Variants in HECTD4 observed in about 807,000 individuals in gnomAD.
HECTD4 encodes HECT domain E3 ubiquitin protein ligase 4.
HECTD4 carries 114 observed loss-of-function variants against 471.5 expected under a neutral mutation model. The ratio of observed to expected loss-of-function variants is 0.24; its 90% CI spans 0.21 to 0.28. The LOEUF (loss-of-function observed/expected upper bound fraction) is 0.28, where lower values mean the gene tolerates loss of function less well. HECTD4 is among the 10% of genes least tolerant of loss of function. The pLI, the probability that HECTD4 is intolerant of heterozygous loss-of-function variation, is 1.00. For missense variants in HECTD4, 3,866 were observed against 5,651.5 expected (o/e 0.68, Z 10.13); for synonymous variants, 2,012 against 2,256.0 (o/e 0.89, Z 3.07).
intron 54 of HECTD4, 161 bp downstream of exon 54, chr12:112,203,475 G>T (rs2032489336): frequency 1.7e-6 from 1 of 574,754 alleles, no homozygotes; most frequent in Non-Finnish European, 3.0e-6. Context: ...GGAAAGCTCA[G>T]GCAAGTCAAT....
chr12:112,195,772 C>A (rs1468152298), intron 55 of HECTD4, among the ~76,000 whole-genome samples: 1 of 152,212 alleles, frequency 6.6e-6, no homozygotes, highest in Non-Finnish European at 1.5e-5. Context: ...TATCTCAATA[C>A]AGCTATTATA....
At chr12:112,196,123 G>C (rs1593918242) in intron 55 of HECTD4, among the ~76,000 whole-genome samples, 1 of 152,346 alleles carries the variant, frequency 6.6e-6, no homozygotes, top group Non-Finnish European at 1.5e-5. Flanking sequence ...CTGGGTGACA[G>C]AGCAAGACTC....
chr12:112,293,739 CCT>C (rs1211685350), intron 7 of HECTD4, among the ~76,000 whole-genome samples: 3 of 152,140 alleles, frequency 2.0e-5, no homozygotes, highest in African/African-American at 7.2e-5. Flanking sequence ...ACCTCACTTG[CCT>C]CTGAGGAGGG....
chr12:112,348,854 A>C (rs1254272697), intron 1 of HECTD4, among the ~76,000 whole-genome samples: 1 of 152,174 alleles, frequency 6.6e-6, no homozygotes, highest in Non-Finnish European at 1.5e-5. Flanking sequence ...ATATATACTA[A>C]GCATTTATAT....
intron 72 of HECTD4, among the ~76,000 whole-genome samples, chr12:112,165,222 CTT>C (rs1193174494): frequency 2.2e-5 from 3 of 138,336 alleles, no homozygotes; most frequent in African/African-American, 2.6e-5. Context: ...TGTCCTCTTT[CTT>C]TTTTTTTTTT....
At position 112,162,154 on chromosome 12, in the gene HECTD4, A is replaced by G; in HGVS notation, c.*233T>C. 1 of 511,368 alleles carries G rather than the reference A, an allele frequency of 2.0e-6. No individual in the cohort carries two copies. The highest frequency in any genetic ancestry group is 3.5e-6 in the Non-Finnish European group (1 of 286,384). The allele number at this position is 511,368 out of a possible 1,614,324, so 31.7% of individuals were successfully genotyped here. A position where few individuals can be genotyped will look rare whatever the true frequency, so the allele number is the denominator to read the frequency against. ...TAGACACAAACTGTCTGGGAACTAAACTATCCTACAAATAGACCACAAACA... is the reference window on the plus strand; with the variant it reads ...TAGACACAAACTGTCTGGGAACTAAGCTATCCTACAAATAGACCACAAACA... On this transcript the variant is annotated 3_prime_UTR_variant, in exon 76 of 76. Coordinates refer to ENST00000682272, the MANE Select transcript of HECTD4 (RefSeq NM_001388303.1). The surrounding 1 kb of genome is among the most constrained non-coding windows in gnomAD (Gnocchi z 5.2).
intron 61 of HECTD4, 40 bp from the exon 62 acceptor site, chr12:112,183,306 G>T: frequency 1.3e-6 from 2 of 1,500,642 alleles, no homozygotes; most frequent in South Asian, 1.1e-5. Flanking sequence ...TGAGTAGCTT[G>T]ACCAGTCATT....
At chr12:112,291,899 G>A (rs535102506) in intron 7 of HECTD4, among the ~76,000 whole-genome samples, 14 of 152,220 alleles carry the variant, frequency 9.2e-5, no homozygotes, top group Non-Finnish European at 1.5e-4. Context: ...ACTTTTTACA[G>A]TTGGCAATTG....
At position 112,243,865 on chromosome 12, in the gene HECTD4, GC is replaced by G. The variant is rs1279235594; in HGVS notation, c.4649+8del. On this transcript the variant is annotated splice_region_variant and intron_variant, in intron 30 of 75. Transcript: ENST00000682272. This position sits in a 1 kb window ranked among gnomAD's most constrained non-coding sequence, Gnocchi z 6.6. Reference sequence around the variant, plus strand: ...TGTGGGAACCCAACCCCGGCCATTAGCCATTTACCTCTGATTTGCTCTAGTA... The same window carrying G: ...TGTGGGAACCCAACCCCGGCCATTAGCATTTACCTCTGATTTGCTCTAGTA... The G allele has an allele frequency of 3.1e-6, 5 of 1,613,166 alleles. No individual in the cohort carries two copies. The highest frequency in any genetic ancestry group is 4.2e-6 in the Non-Finnish European group (5 of 1,179,286).
rs1183399867 is a variant in HECTD4, at chr12:112,179,998, C to T, written c.10988-601G>A. Reference sequence around the variant, plus strand: ...GAAAAAATATTTTTTTGTCCCCAAACAAGCACTCCAGAAGGTGCTCTCACC... The same window carrying T: ...GAAAAAATATTTTTTTGTCCCCAAATAAGCACTCCAGAAGGTGCTCTCACC... On this transcript the variant is annotated intron_variant, in intron 62 of 75. Coordinates refer to ENST00000682272, the MANE Select transcript of HECTD4 (RefSeq NM_001388303.1). This position sits in a 1 kb window ranked among gnomAD's most constrained non-coding sequence, Gnocchi z 4.3. 6.6e-6 allele frequency among the ~76,000 whole-genome samples: 1 copy of T among 152,170 alleles called. No homozygotes were observed. The highest frequency in any genetic ancestry group is 1.5e-5 in the Non-Finnish European group (1 of 68,006).
chr12:112,254,875 T>C (rs752592892), intron 21 of HECTD4, among the ~76,000 whole-genome samples: 9 of 152,200 alleles, frequency 5.9e-5, no homozygotes, highest in African/African-American at 9.7e-5. Flanking sequence ...AAGACTTCCA[T>C]AGGAAAAATA....
intron 64 of HECTD4, 119 bp from the exon 65 acceptor site, chr12:112,176,821 A>C (rs991719638): frequency 1.2e-4 from 95 of 807,992 alleles, no homozygotes; most frequent in Middle Eastern, 6.8e-4. Context: ...CTTAGGGCTC[A>C]GATAGGGCGG....
intron 1 of HECTD4, among the ~76,000 whole-genome samples, chr12:112,365,762 T>G (rs539692439): frequency 6.2e-5 from 8 of 128,816 alleles, no homozygotes; most frequent in South Asian, 4.9e-4. Context: ...CTTCTTTGTG[T>G]TTTTTTTTTG....
At position 112,319,004 on chromosome 12, in the gene HECTD4, G is replaced by A. The variant is rs2135699501; in HGVS notation, c.695+221C>T. On this transcript the variant is annotated intron_variant, in intron 2 of 75. Transcript: ENST00000682272. The surrounding 1 kb of genome is among the most constrained non-coding windows in gnomAD (Gnocchi z 5.3). ...GTTAAGATGTTATCATGGTATACCA[G>A]AAACAGAAAACATGAACTTTGGTTC... Among the ~76,000 whole-genome samples the A allele has an allele frequency of 6.6e-6, 1 of 152,330 alleles. No individual in the cohort carries two copies. The highest frequency in any genetic ancestry group is 1.9e-4 in the East Asian group (1 of 5,190).
chr12:112,344,875 G>T (rs138778554), intron 1 of HECTD4, among the ~76,000 whole-genome samples: 106 of 152,170 alleles, frequency 7.0e-4, no homozygotes, highest in African/African-American at 2.5e-3. Context: ...CTGAGATCAC[G>T]CCATTGCACT....
intron 9 of HECTD4, among the ~76,000 whole-genome samples, chr12:112,277,286 G>A (rs1348069005): frequency 6.6e-6 from 1 of 152,190 alleles, no homozygotes; most frequent in African/African-American, 2.4e-5. Flanking sequence ...GCTGTAATAT[G>A]GATGAACCTC....
chr12:112,309,194 T>C (rs1296349391), intron 5 of HECTD4, among the ~76,000 whole-genome samples: 1 of 152,156 alleles, frequency 6.6e-6, no homozygotes, highest in African/African-American at 2.4e-5. Flanking sequence ...CAACTGAAAA[T>C]CACTTGCTAA....
Position 112,283,280 on chromosome 12 carries a change from G to T in HECTD4, c.1358C>A (p.Ala453Asp). The stretch of plus-strand genomic sequence containing the variant: ...AATTGTACGTTCCTGAAGTGGGTTG[G>T]CTACAAATACACCATTTTCAACCTA... ...ELVVENGVFV[A>D]NPLQERTILM... is the part of the protein sequence containing the mutation. The change falls in exon 8 of 76, where the codon GCC (alanine) becomes GAC (aspartate). Residue 453 changes from alanine (A) to aspartate (D), a missense_variant. Physicochemically the swap from Ala to Asp is moderately radical, Grantham distance 126 (BLOSUM62 -2). Transcript: ENST00000682272. 6.2e-7 allele frequency: 1 copy of T among 1,612,412 alleles called. No homozygotes were observed. The highest frequency in any genetic ancestry group is 8.5e-7 in the Non-Finnish European group (1 of 1,179,086).
At chr12:112,199,637 G>A (rs1299012030) in intron 55 of HECTD4, among the ~76,000 whole-genome samples, 4 of 152,330 alleles carry the variant, frequency 2.6e-5, no homozygotes. Context: ...AGGGGAATTG[G>A]CAATGGTGAA....
Sources: gnomAD v4.1 joint callset for allele counts (sites outside exome capture counted in the v4.1 genomes callset) on GRCh38, gnomAD v4.1.1 for gene constraint, Gnocchi (gnomAD v3.1) non-coding constraint, MANE v1.5 for transcripts, NCBI Gene and HGNC (gene_info 2026-07-23, HGNC 2026-07-21) for gene names.